Variants in PNN observed in about 807,000 individuals in gnomAD.
PNN encodes the protein pinin.
Under a neutral mutation model 76.6 loss-of-function variants are expected in PNN, and 38 were observed. That is an observed-to-expected ratio of 0.50 (90% CI 0.38 to 0.65). The LOEUF (loss-of-function observed/expected upper bound fraction) is 0.65, where lower values mean the gene tolerates loss of function less well. Ranked by LOEUF, PNN falls within the 30% of genes least tolerant of loss-of-function variation. PNN has a pLI of 0.00. For missense variants in PNN, 873 were observed against 874.1 expected, an observed-to-expected ratio of 1.00 and a Z score of 0.02; for synonymous variants, 366 against 283.7, an observed-to-expected ratio of 1.29 and a Z score of -2.91.
chr14:39,178,447 A>G (rs545468713), intron 6 of PNN, among the ~76,000 whole-genome samples: 1 of 152,198 alleles, frequency 6.6e-6, no homozygotes, highest in Admixed American at 6.5e-5. Flanking sequence ...CAAGAGAATC[A>G]CTTGAACCCT....
At position 39,175,397 on chromosome 14, in the gene PNN, G is replaced by A. The variant is rs2053211297; in HGVS notation, c.113+5G>A. On this transcript the variant is annotated splice_donor_5th_base_variant and intron_variant, in intron 1 of 8. Transcript: ENST00000216832. ...GCGGGATCCGAATGACGTGAGGTAA[G>A]GGCCTAACGGGAACTCGGAACTCGG... 1.3e-6 allele frequency: 2 copies of A among 1,563,654 alleles called. No individual in the cohort carries two copies. The highest frequency in any genetic ancestry group is 8.8e-7 in the Non-Finnish European group (1 of 1,135,146).
intron 7 of PNN, 35 bp from the exon 8 acceptor site, chr14:39,179,289 T>A: frequency 6.2e-7 from 1 of 1,608,828 alleles, no homozygotes. Context: ...ATCCTTTGTG[T>A]TTACAAAAGC....
At position 39,180,533 on chromosome 14, in the gene PNN, C is replaced by T; in HGVS notation, c.824C>T (p.Ala275Val). The change falls in exon 9 of 9, where the codon GCA (alanine) becomes GTA (valine). Residue 275 changes from alanine (A) to valine (V), a missense_variant. Coordinates refer to ENST00000216832, the MANE Select transcript of PNN (RefSeq NM_002687.4). The stretch of plus-strand genomic sequence containing the variant: ...TTTGAAGGTAGACGCATCGAATTTG[C>T]AGAACAAATAAATAAAATGGAGGCT... Reference protein sequence around the residue: ...ALFEGRRIEFAEQINKMEARP... With the variant: ...ALFEGRRIEFVEQINKMEARP... The T allele has an allele frequency of 6.3e-7, 1 of 1,594,300 alleles. No individual in the cohort carries two copies. Among genetic ancestry groups the T allele is most frequent in the Non-Finnish European group, 8.5e-7 (1 of 1,172,684 alleles).
rs2053265514 is a variant in PNN, at chr14:39,181,033, C to T, written c.1324C>T (p.Leu442Phe). The change falls in exon 9 of 9, where the codon CTT becomes TTT. Residue 442 changes from leucine to phenylalanine, a missense_variant. Leu to Phe is a conservative substitution (Grantham distance 22). Transcript: ENST00000216832. Reference sequence around the variant, plus strand: ...TGAGCCAGATAAAGAATGTAAAACCCTTTCTCCTGGGAAAGAGAATGTCAG... The same window carrying T: ...TGAGCCAGATAAAGAATGTAAAACCTTTTCTCCTGGGAAAGAGAATGTCAG... Reference protein sequence around the residue: ...EIEPDKECKTLSPGKENVSAL... With the variant: ...EIEPDKECKTFSPGKENVSAL... 1 of 1,612,574 alleles carries T rather than the reference C, an allele frequency of 6.2e-7. No individual in the cohort carries two copies. Among genetic ancestry groups the T allele is most frequent in the African/African-American group, 1.3e-5 (1 of 74,872 alleles).
Position 39,183,040 on chromosome 14 carries a change from C to G in PNN, c.*1177C>G, listed in dbSNP as rs892148258. On this transcript the variant is annotated 3_prime_UTR_variant, in exon 9 of 9. Transcript: ENST00000216832. ...TTTGAGTTTAACACTGTAGCTTTAG[C>G]CTTGACTTTGAATATTCATTTTGCC... 1.3e-5 allele frequency: 2 copies of G among 152,598 alleles called. No homozygotes were observed. The highest frequency in any genetic ancestry group is 2.4e-5 in the African/African-American group (1 of 41,430). The allele number at this position is 152,598 out of a possible 1,614,324, so 9.5% of individuals were successfully genotyped here. A position where few individuals can be genotyped will look rare whatever the true frequency, so the allele number is the denominator to read the frequency against.
rs1245497594 is a variant in PNN at position 39,177,570 on chromosome 14, A to G, written c.328-23A>G. 4.4e-6 allele frequency: 7 copies of G among 1,607,616 alleles called. No homozygotes were observed. The African/African-American group carries it at 8.0e-5, about 18-fold the overall frequency. The stretch of plus-strand genomic sequence containing the variant: ...ACACCACTCATATGCTAGTTAAATT[A>G]CTGAGATTTTCTTTTTCTGCAGCCA... On this transcript the variant is annotated intron_variant, in intron 4 of 8. Transcript: ENST00000216832.
rs56343145 is a variant in PNN, at chr14:39,181,478, GCAGCAGTGGAAGTAGTTC to G, written c.1786_1803del (p.Ser598_Ser603del). The G allele has an allele frequency of 1.9e-5, 31 of 1,607,298 alleles. No individual in the cohort carries two copies. The highest frequency in any genetic ancestry group is 2.7e-5 in the African/African-American group (2 of 74,656). ...AGTTCTAGTAGCAGTTCAACCAGTA[GCAGCAGTGGAAGTAGTTC>G]CAGCAGTGGAAGTAGTAGCAGTCGC... On this transcript the variant is annotated inframe_deletion, in exon 9 of 9. Coordinates refer to ENST00000216832, the MANE Select transcript of PNN (RefSeq NM_002687.4).
rs1314644566 is a variant in PNN, at chr14:39,179,085, T to G, written c.499-6T>G. 3 of 1,608,604 alleles carry G rather than the reference T, an allele frequency of 1.9e-6. No individual in the cohort carries two copies. Among genetic ancestry groups the G allele is most frequent in the Admixed American group, 3.4e-5 (2 of 58,224 alleles). ...TAAGTATTAAAGCAGGCTACTTAACTTTTAGCAAAAGCGGCGCCAGGAAAT... is the reference window on the plus strand; with the variant it reads ...TAAGTATTAAAGCAGGCTACTTAACGTTTAGCAAAAGCGGCGCCAGGAAAT... On this transcript the variant is annotated splice_region_variant and splice_polypyrimidine_tract_variant and intron_variant, in intron 6 of 8. Coordinates refer to ENST00000216832, the MANE Select transcript of PNN (RefSeq NM_002687.4).
intron 8 of PNN, 118 bp downstream of exon 8, chr14:39,179,580 T>A: frequency 1.1e-6 from 1 of 900,582 alleles, no homozygotes; most frequent in Non-Finnish European, 1.6e-6. Flanking sequence ...GTGTTTGCTT[T>A]TTTTTTTTAA....
At chr14:39,179,700 C>T (rs575782049) in intron 8 of PNN, among the ~76,000 whole-genome samples, 4 of 151,620 alleles carry the variant, frequency 2.6e-5, no homozygotes, top group South Asian at 2.1e-4. Context: ...GAGACCATCC[C>T]GGCTAACATG....
chr14:39,175,949 A>G (rs2053219716), intron 1 of PNN, 129 bp from the exon 2 acceptor site: 4 of 628,410 alleles, frequency 6.4e-6, no homozygotes, highest in African/African-American at 1.9e-5. Context: ...AGACATTTAG[A>G]TTTATTTGAA....
rs1457894449 is a variant in PNN, at chr14:39,175,725, ACCCGGCCCGTTGCTGGC to A, written c.113+338_114-332del. 80 of 461,618 alleles carry A rather than the reference ACCCGGCCCGTTGCTGGC, an allele frequency of 1.7e-4. 1 individual carries two copies. The Middle Eastern group carries it at 8.1e-3, about 47-fold the overall frequency. 28.6% of individuals were successfully genotyped at this position (461,618 alleles called of 1,614,324 possible). ...AAAGCCCCTTCCCGCTCCGGCGGAC[ACCCGGCCCGTTGCTGGC>A]CCCGAGACCCTGCCGGGACGCAACA... On this transcript the variant is annotated intron_variant, in intron 1 of 8. Coordinates refer to ENST00000216832, the MANE Select transcript of PNN (RefSeq NM_002687.4).
In PNN at chr14:39,180,836, A is replaced by G; in HGVS notation, c.1127A>G (p.Glu376Gly). The G allele has an allele frequency of 6.2e-7, 1 of 1,614,132 alleles. No homozygotes were observed. Among genetic ancestry groups the G allele is most frequent in the Non-Finnish European group, 8.5e-7 (1 of 1,179,996 alleles). ...GAGGAAACTGAGGTAAGGGAAAGTG[A>G]GAAGCAGCAGGATAGTCAGCCTGAA... The part of the protein sequence containing the change: ...MEEETEVRES[E>G]KQQDSQPEEV... Residue 376 changes from glutamate (E) to glycine (G), a missense_variant, in exon 9 of 9, where the codon GAG becomes GGG. By Grantham distance (98) the Glu-to-Gly change is moderately conservative (BLOSUM62 -2). Coordinates refer to ENST00000216832, the MANE Select transcript of PNN (RefSeq NM_002687.4).
rs1061583 is a variant in PNN, at chr14:39,175,294, G to A, written c.15G>A (p.Val5=). 387,613 of 1,600,538 alleles carry A rather than the reference G, an allele frequency of 0.24. 50,130 individuals carry two copies. Among genetic ancestry groups the A allele is most frequent in the Middle Eastern group, 0.37 (1,968 of 5,304 alleles). ...GCAGGGAGAAGATGGCGGTCGCCGT[G>A]AGAACTTTGCAGGAACAGCTGGAAA... MAVA[V]RTLQEQLEKA... is the part of the protein sequence containing the mutation. The change falls in exon 1 of 9, where the codon GTG becomes GTA. Residue 5 remains valine, a synonymous_variant. Coordinates refer to ENST00000216832, the MANE Select transcript of PNN (RefSeq NM_002687.4).
chr14:39,181,111 C>G lies in PNN; in HGVS notation c.1402C>G (p.Pro468Ala). ...SEEKEEKESE[P>A]QPEPVAQPQP... Reference sequence around the variant, plus strand: ...GGAAAAAGAAGAAAAAGAATCTGAGCCCCAACCTGAGCCTGTGGCTCAACC... The same window carrying G: ...GGAAAAAGAAGAAAAAGAATCTGAGGCCCAACCTGAGCCTGTGGCTCAACC... The change falls in exon 9 of 9, where the codon CCC becomes GCC. Residue 468 changes from proline to alanine, a missense_variant. This residue lies in a region of PNN where 712 missense variants were observed against 693.1 expected (regional missense o/e 1.03). Coordinates refer to ENST00000216832, the MANE Select transcript of PNN (RefSeq NM_002687.4). 6.2e-7 allele frequency: 1 copy of G among 1,613,170 alleles called. No individual in the cohort carries two copies. Among genetic ancestry groups the G allele is most frequent in the Non-Finnish European group, 8.5e-7 (1 of 1,179,206 alleles).
intron 1 of PNN, chr14:39,175,756 C>G (rs1047945120): frequency 2.1e-6 from 1 of 465,526 alleles, no homozygotes; most frequent in African/African-American, 2.0e-5. Context: ...GAGACCCTGC[C>G]GGGACGCAAC....
rs753924392 is a variant in PNN at position 39,179,306 on chromosome 14, C to T, written c.655-18C>T. On this transcript the variant is annotated intron_variant, in intron 7 of 8. Transcript: ENST00000216832. ...CCTTTGTGTTTACAAAAGCACTGAC[C>T]CTTTACCTTTTCTTTAGCAAGAAGA... The T allele has an allele frequency of 1.7e-5, 27 of 1,609,346 alleles. No homozygotes were observed. The Admixed American group carries it at 2.4e-4, about 14-fold the overall frequency.
In PNN at chr14:39,181,782, A is replaced by G. The variant is rs775810860; in HGVS notation, c.2073A>G (p.Ile691Met). The change falls in exon 9 of 9, where the codon ATA becomes ATG. Residue 691 changes from isoleucine to methionine, a missense_variant. Physicochemically the swap from Ile to Met is conservative, Grantham distance 10. Transcript: ENST00000216832. ...KNSRSDRKRS[I>M]SESSRSGKRS... Reference sequence around the variant, plus strand: ...CCCGGTCCGACAGAAAGAGGTCTATATCAGAGAGTAGTCGATCAGGCAAAA... The same window carrying G: ...CCCGGTCCGACAGAAAGAGGTCTATGTCAGAGAGTAGTCGATCAGGCAAAA... 6 of 1,613,988 alleles carry G rather than the reference A, an allele frequency of 3.7e-6. No individual in the cohort carries two copies. The East Asian group carries it at 8.9e-5, about 24-fold the overall frequency.
chr14:39,175,705 C>T (rs761858128), intron 1 of PNN: 46 of 472,366 alleles, frequency 9.7e-5, no homozygotes, highest in African/African-American at 6.9e-4. Context: ...AGCACAAAGC[C>T]CCTTCCCGCT....
Sources: allele counts gnomAD v4.1 joint callset (sites outside exome capture counted in the v4.1 genomes callset), GRCh38; gene constraint gnomAD v4.1.1; regional missense constraint gnomAD v4.1.1; transcripts MANE v1.5; gene names NCBI Gene and HGNC (gene_info 2026-07-23, HGNC 2026-07-21).